The following SLC12A6 variants were observed in gnomAD, a reference collection of about 807,000 sequenced individuals.
The protein encoded by SLC12A6 is solute carrier family 12 member 6.
SLC12A6 carries 66 observed loss-of-function variants against 135.3 expected under a neutral mutation model. That is an observed-to-expected ratio of 0.49 (90% CI 0.40 to 0.60). SLC12A6 has a LOEUF of 0.60. Ranked by LOEUF, SLC12A6 falls within the 20% of genes least tolerant of loss-of-function variation. The pLI is 0.00. For missense variants in SLC12A6, 1,058 were observed against 1,452.3 expected (o/e 0.73, Z 4.41); for synonymous variants, 513 against 508.8 (o/e 1.01, Z -0.11).
At chr15:34,239,267 A>G (rs1891480163) in intron 19 of SLC12A6, 107 bp from the exon 20 acceptor site, 1 of 835,428 alleles carries the variant, frequency 1.2e-6, no homozygotes, top group Non-Finnish European at 2.0e-6. Flanking sequence ...AGTCTTCATA[A>G]TACTATATCA....
rs769397649 is a variant in SLC12A6 at position 34,230,184 on chromosome 15, T to C, written c.*3697A>G. 6 of 192,446 alleles carry C rather than the reference T, an allele frequency of 3.1e-5. No homozygotes were observed. The highest frequency in any genetic ancestry group is 5.3e-5 in the Non-Finnish European group (5 of 94,998). 11.9% of individuals were successfully genotyped at this position (192,446 alleles called of 1,614,324 possible). A position where few individuals can be genotyped will look rare whatever the true frequency, so the allele number is the denominator to read the frequency against. On this transcript the variant is annotated 3_prime_UTR_variant, in exon 26 of 26. Coordinates refer to ENST00000354181, the MANE Select transcript of SLC12A6 (RefSeq NM_001365088.1). Reference sequence around the variant, plus strand: ...TGCACAAGTTCCTTATTTTCCTTAATATTTCACTTCTATTTAATACAAGCT... The same window carrying C: ...TGCACAAGTTCCTTATTTTCCTTAACATTTCACTTCTATTTAATACAAGCT...
At chr15:34,312,329 T>C (rs2141080762) in intron 2 of SLC12A6, among the ~76,000 whole-genome samples, 1 of 152,344 alleles carries the variant, frequency 6.6e-6, no homozygotes, top group Non-Finnish European at 1.5e-5. Context: ...GACATATTTA[T>C]ACTGAACATG....
chr15:34,267,605 T>C (rs1178236496), intron 3 of SLC12A6, among the ~76,000 whole-genome samples: 1 of 152,178 alleles, frequency 6.6e-6, no homozygotes, highest in South Asian at 2.1e-4. Context: ...TCCCAGCTCT[T>C]TGGGAGGCCA....
chr15:34,310,699 G>A (rs1279648926), intron 2 of SLC12A6, among the ~76,000 whole-genome samples: 2 of 97,526 alleles, frequency 2.1e-5, no homozygotes. Flanking sequence ...TTGAACTCCT[G>A]GGCTCAAGAG....
At chr15:34,237,068 C>G (rs896193605) in intron 22 of SLC12A6, 2 of 510,956 alleles carry the variant, frequency 3.9e-6, no homozygotes, top group Admixed American at 6.4e-5. Context: ...AATACAAACT[C>G]CAGTCTCTCT....
chr15:34,281,979 C>G (rs575872341), intron 2 of SLC12A6, among the ~76,000 whole-genome samples: 3 of 151,572 alleles, frequency 2.0e-5, no homozygotes, highest in Non-Finnish European at 4.4e-5. Flanking sequence ...ATATATAGAG[C>G]CTACATATGC....
intron 2 of SLC12A6, among the ~76,000 whole-genome samples, chr15:34,316,103 G>T (rs764695236): frequency 4.7e-5 from 7 of 148,596 alleles, no homozygotes; most frequent in Non-Finnish European, 7.6e-5. Context: ...CATCTGTCCC[G>T]TTCAAATAAA....
intron 2 of SLC12A6, among the ~76,000 whole-genome samples, chr15:34,302,396 TA>T (rs1356296303): frequency 1.3e-5 from 2 of 152,036 alleles, no homozygotes; most frequent in African/African-American, 2.4e-5. Flanking sequence ...AAATTATGTA[TA>T]AAGAAGATTA....
At chr15:34,291,324 G>A (rs1257775057) in intron 2 of SLC12A6, among the ~76,000 whole-genome samples, 5 of 152,212 alleles carry the variant, frequency 3.3e-5, no homozygotes, top group Non-Finnish European at 4.4e-5. Flanking sequence ...CTCTCTTCTG[G>A]CTTGTAGGGT....
At position 34,257,616 on chromosome 15, in the gene SLC12A6, T is replaced by C. The variant is rs764227814; in HGVS notation, c.690+26A>G. The C allele has an allele frequency of 2.5e-6, 4 of 1,605,342 alleles. No homozygotes were observed. The African/African-American group carries it at 5.4e-5, about 21-fold the overall frequency. ...TTGAGAACTTGCAACGTTCAGGTGA[T>C]CTCTAGGAGCCAGTGCAGTACTTAC... On this transcript the variant is annotated intron_variant, in intron 6 of 25. Coordinates refer to ENST00000354181, the MANE Select transcript of SLC12A6 (RefSeq NM_001365088.1).
At chr15:34,261,306 CTTTT>C (rs565428661) in intron 3 of SLC12A6, among the ~76,000 whole-genome samples, 1 of 148,894 alleles carries the variant, frequency 6.7e-6, no homozygotes, top group African/African-American at 2.5e-5. Flanking sequence ...CATGAAGACT[CTTTT>C]TTTTTTGAGA....
At position 34,240,789 on chromosome 15, in the gene SLC12A6, G is replaced by C; in HGVS notation, c.2308C>G (p.His770Asp). Residue 770 changes from histidine to aspartate, a missense_variant, in exon 19 of 26, where the codon CAT (histidine) becomes GAT (aspartate). This residue lies in a region of SLC12A6 where 170 missense variants were observed against 297.6 expected (regional missense o/e 0.57). Coordinates refer to ENST00000354181, the MANE Select transcript of SLC12A6 (RefSeq NM_001365088.1). ...GTGAGGAGGCGAGGATGCTTGACAT[G>C]TAAGTCTTCATCTAGTTTCAGTAAT... is the stretch of plus-strand genomic sequence containing the variant. ...LVLLKLDEDL[H>D]VKHPRLLTFA... 1 of 1,614,038 alleles carries C rather than the reference G, an allele frequency of 6.2e-7. No individual in the cohort carries two copies. Among genetic ancestry groups the C allele is most frequent in the Non-Finnish European group, 8.5e-7 (1 of 1,179,942 alleles).
chr15:34,308,122 T>TA (rs1320018809), intron 2 of SLC12A6, among the ~76,000 whole-genome samples: 4 of 152,216 alleles, frequency 2.6e-5, no homozygotes, highest in Non-Finnish European at 5.9e-5. Flanking sequence ...ATATCTTACC[T>TA]ACCTTCAGTG....
At chr15:34,286,651 C>T (rs902667281) in intron 2 of SLC12A6, among the ~76,000 whole-genome samples, 7 of 151,872 alleles carry the variant, frequency 4.6e-5, no homozygotes, top group South Asian at 2.1e-4. Flanking sequence ...AAAAAATTAG[C>T]TGGGTGTGGT....
In SLC12A6 at chr15:34,234,634, AG is replaced by A. The variant is rs1391447771; in HGVS notation, c.3361+546del. Among the ~76,000 whole-genome samples the A allele has an allele frequency of 2.6e-5, 4 of 152,080 alleles. No individual in the cohort carries two copies. In the East Asian group the frequency reaches 7.7e-4, roughly 29 times the overall value. On this transcript the variant is annotated intron_variant, in intron 25 of 25. Transcript: ENST00000354181. ...TGATCCACCTGCCTTAGCCTCCCAA[AG>A]TGCTGGGATTACAGGCATGAGCCAC...
At chr15:34,315,857 T>TAGTCCC (rs139738264) in intron 2 of SLC12A6, among the ~76,000 whole-genome samples, 7,166 of 152,122 alleles carry the variant, frequency 0.047, 180 homozygotes, top group Non-Finnish European at 0.062. Context: ...CATGTGCCTG[T>TAGTCCC]AGTCCCAGGA....
At chr15:34,277,051 A>G (rs953252349) in intron 2 of SLC12A6, among the ~76,000 whole-genome samples, 2 of 152,142 alleles carry the variant, frequency 1.3e-5, no homozygotes, top group African/African-American at 4.8e-5. Flanking sequence ...GAAAATTTGA[A>G]ATGTTCCTAT....
chr15:34,233,624 TTGA>T lies in SLC12A6; in HGVS notation c.*254_*256del. On this transcript the variant is annotated 3_prime_UTR_variant, in exon 26 of 26. Coordinates refer to ENST00000354181, the MANE Select transcript of SLC12A6 (RefSeq NM_001365088.1). ...TCAGCTTGTTAATTCTAATTTGCCT[TTGA>T]CTGCTCAGACGTGGCTTGAAAGACT... The T allele has an allele frequency of 2.3e-6, 1 of 428,530 alleles. No individual in the cohort carries two copies. Among genetic ancestry groups the T allele is most frequent in the African/African-American group, 2.0e-5 (1 of 50,580 alleles). The allele number at this position is 428,530 out of a possible 1,614,324, so 26.5% of individuals were successfully genotyped here.
chr15:34,270,826 A>G (rs1010799309), intron 3 of SLC12A6, among the ~76,000 whole-genome samples: 11 of 133,232 alleles, frequency 8.3e-5, no homozygotes, highest in African/African-American at 3.3e-4. Flanking sequence ...AAACAAAACA[A>G]AAAACAAAAA....
Sources: allele counts gnomAD v4.1 joint callset (sites outside exome capture counted in the v4.1 genomes callset), GRCh38; gene constraint gnomAD v4.1.1; regional missense constraint gnomAD v4.1.1; transcripts MANE v1.5; gene names NCBI Gene and HGNC (gene_info 2026-07-23, HGNC 2026-07-21).